Variants in FGF12 observed in about 807,000 individuals in gnomAD.
FGF12 encodes fibroblast growth factor 12, also known as fibroblast growth factor 12B.
In FGF12, 14 loss-of-function variants were observed where a neutral mutation model predicts 23.6. The observed-to-expected ratio is 0.59, with a 90% CI of 0.39 to 0.93. The LOEUF is 0.93. Among genes scored for constraint, FGF12 ranks in the 40% least tolerant of loss-of-function variants. The probability of loss-of-function intolerance (pLI) is 0.00; values close to 1 mark genes in which losing one functional copy is unlikely to be tolerated. For synonymous variants in FGF12, 62 were observed against 77.3 expected (o/e 0.80, Z 1.04); for missense variants, 175 against 217.8 (o/e 0.80, Z 1.24).
intron 2 of FGF12, among the ~76,000 whole-genome samples, chr3:192,399,746 G>A (rs1255692235): frequency 1.3e-5 from 2 of 152,216 alleles, no homozygotes; most frequent in Non-Finnish European, 2.9e-5. Context: ...CTGAGAACCA[G>A]TGGCTTATAT....
intron 2 of FGF12, among the ~76,000 whole-genome samples, chr3:192,525,290 A>C (rs1013555563): frequency 6.6e-6 from 1 of 152,192 alleles, no homozygotes; most frequent in East Asian, 1.9e-4. Context: ...GGTATTTCAA[A>C]AAAATAATAA....
At chr3:192,417,352 A>G (rs1196735487) in intron 2 of FGF12, among the ~76,000 whole-genome samples, 1 of 124,708 alleles carries the variant, frequency 8.0e-6, no homozygotes, top group East Asian at 2.2e-4. Flanking sequence ...AGTAGAATTC[A>G]TTACCAAAAA....
intron 4 of FGF12, among the ~76,000 whole-genome samples, chr3:192,199,530 TGGCCTTCTTTCACAAGCA>T (rs1206093946): frequency 6.6e-6 from 1 of 152,200 alleles, no homozygotes; most frequent in Non-Finnish European, 1.5e-5. Flanking sequence ...AATGTATATG[TGGCCTTCTTTCACAAGCA>T]GGCCAATAAA....
chr3:192,532,080 G>A lies in FGF12; in HGVS notation c.14-171542C>T, dbSNP rs145630239. Among the ~76,000 whole-genome samples, 362 of 152,058 alleles carry A rather than the reference G, an allele frequency of 2.4e-3. 1 individual carries two copies. Among genetic ancestry groups the A allele is most frequent in the Non-Finnish European group, 3.2e-3 (218 of 67,956 alleles). On this transcript the variant is annotated intron_variant, in intron 2 of 5. Coordinates refer to ENST00000445105, the MANE Select transcript of FGF12 (RefSeq NM_004113.6). ...CTATAAGTGTTTGGCTTTATTTCTG[G>A]GTTTTCTATTCTGTTCCATTGGTCT...
intron 2 of FGF12, among the ~76,000 whole-genome samples, chr3:192,432,639 A>AAAAAAAG (rs1553812376): frequency 1.5e-5 from 2 of 137,090 alleles, no homozygotes; most frequent in African/African-American, 5.7e-5. Flanking sequence ...AAAAAAAAAA[A>AAAAAAAG]AAAGAAAGAA....
chr3:192,418,637 C>T (rs1721427479), intron 2 of FGF12, among the ~76,000 whole-genome samples: 1 of 152,086 alleles, frequency 6.6e-6, no homozygotes, highest in Admixed American at 6.6e-5. Flanking sequence ...GTGATTGGAT[C>T]ATGGGGGCAG....
At chr3:192,467,084 A>G (rs1723032620) in intron 2 of FGF12, among the ~76,000 whole-genome samples, 1 of 152,158 alleles carries the variant, frequency 6.6e-6, no homozygotes, top group Non-Finnish European at 1.5e-5. Context: ...TAACATCTGC[A>G]TAGAGTAAAT....
chr3:192,510,643 T>G (rs1018672580), intron 2 of FGF12, among the ~76,000 whole-genome samples: 1 of 152,236 alleles, frequency 6.6e-6, no homozygotes, highest in African/African-American at 2.4e-5. Flanking sequence ...GCTGAAAACT[T>G]ATGTTCACAG....
intron 4 of FGF12, among the ~76,000 whole-genome samples, chr3:192,210,346 G>C (rs941220143): frequency 3.9e-5 from 6 of 152,126 alleles, no homozygotes; most frequent in South Asian, 2.1e-4. Flanking sequence ...ATATGTGTGA[G>C]AGGAAACTAC....
chr3:192,370,535 C>T (rs1333531048), intron 2 of FGF12, among the ~76,000 whole-genome samples: 2 of 150,102 alleles, frequency 1.3e-5, no homozygotes, highest in African/African-American at 4.9e-5. Flanking sequence ...AGAGTGAGAA[C>T]CTGTATCTAA....
chr3:192,607,432 G>A (rs899416071), intron 2 of FGF12, among the ~76,000 whole-genome samples: 2 of 152,152 alleles, frequency 1.3e-5, no homozygotes, highest in African/African-American at 2.4e-5. Context: ...TTTCAGGGGT[G>A]TCAGACTTGA....
At chr3:192,483,421 C>A (rs1040785023) in intron 2 of FGF12, among the ~76,000 whole-genome samples, 4 of 151,998 alleles carry the variant, frequency 2.6e-5, no homozygotes, top group African/African-American at 9.7e-5. Context: ...ACAACAGCCA[C>A]ACGTAAAAAA....
In FGF12 at chr3:192,205,436, G is replaced by A. The variant is rs114887659; in HGVS notation, c.229-34780C>T. Among the ~76,000 whole-genome samples, 756 of 152,296 alleles carry A rather than the reference G, an allele frequency of 5.0e-3. 4 individuals carry two copies. The highest frequency in any genetic ancestry group is 0.017 in the African/African-American group (701 of 41,570). On this transcript the variant is annotated intron_variant, in intron 4 of 5. Coordinates refer to ENST00000445105, the MANE Select transcript of FGF12 (RefSeq NM_004113.6). The stretch of plus-strand genomic sequence containing the variant: ...GGTCTTTGAGAGACGCAGCGTTCCT[G>A]AGGACAATCAATTCCCTTCCCTCCT...
At chr3:192,250,101 CAT>C (rs1470410035) in intron 4 of FGF12, among the ~76,000 whole-genome samples, 3 of 152,166 alleles carry the variant, frequency 2.0e-5, no homozygotes, top group South Asian at 2.1e-4. Flanking sequence ...AGTGTGCACT[CAT>C]GTGGATAATC....
intron 2 of FGF12, among the ~76,000 whole-genome samples, chr3:192,510,621 T>G (rs986836903): frequency 6.6e-6 from 1 of 152,188 alleles, no homozygotes; most frequent in Non-Finnish European, 1.5e-5. Flanking sequence ...TCCTTGATAT[T>G]TACCCAAACA....
chr3:192,276,614 C>T (rs1471091474), intron 4 of FGF12, among the ~76,000 whole-genome samples: 1 of 152,150 alleles, frequency 6.6e-6, no homozygotes, highest in East Asian at 1.9e-4. Context: ...TCCTGCCTCT[C>T]AGTTCCAATT....
At chr3:192,587,225 T>C (rs983526414) in intron 2 of FGF12, among the ~76,000 whole-genome samples, 2 of 151,888 alleles carry the variant, frequency 1.3e-5, no homozygotes, top group Non-Finnish European at 2.9e-5. Flanking sequence ...AATGTAGAAC[T>C]TGGTAAGAGT....
chr3:192,726,892 C>T (rs1005982678), intron 2 of FGF12: 120 of 455,226 alleles, frequency 2.6e-4, no homozygotes, highest in African/African-American at 2.1e-3. Context: ...TAACACATAC[C>T]TCCTCCTCCT....
chr3:192,154,597 C>A lies in FGF12; in HGVS notation c.428-10470G>T, dbSNP rs147949640. 4.5e-3 allele frequency among the ~76,000 whole-genome samples: 687 copies of A among 151,638 alleles called. 7 individuals carry two copies. Among genetic ancestry groups the A allele is most frequent in the African/African-American group, 0.016 (667 of 41,290 alleles). ...TGTGAGAGGTGTCAGTGTGCCCCTG[C>A]TGGGCGGTGCCTCCCAGTTAGGCTG... On this transcript the variant is annotated intron_variant, in intron 5 of 5. Transcript: ENST00000445105.
Sources: gnomAD v4.1 joint callset for allele counts (sites outside exome capture counted in the v4.1 genomes callset) on GRCh38, gnomAD v4.1.1 for gene constraint, MANE v1.5 for transcripts, NCBI Gene and HGNC (gene_info 2026-07-23, HGNC 2026-07-21) for gene names.